MYO16: variants seen among roughly 807,000 people sequenced by gnomAD.
MYO16 encodes the protein myosin XVI.
Under a neutral mutation model 205.3 loss-of-function variants are expected in MYO16, and 94 were observed. The ratio of observed to expected loss-of-function variants is 0.46; its 90% CI spans 0.39 to 0.54. The LOEUF is 0.54. Among genes scored for constraint, MYO16 ranks in the 20% least tolerant of loss-of-function variants. MYO16 has a pLI of 0.00. For missense variants in MYO16, 2,315 were observed against 2,387.5 expected, an observed-to-expected ratio of 0.97 and a Z score of 0.63; for synonymous variants, 988 against 954.0, an observed-to-expected ratio of 1.04 and a Z score of -0.66.
chr13:108,980,881 T>C (rs1884427439), intron 20 of MYO16, among the ~76,000 whole-genome samples: 1 of 152,188 alleles, frequency 6.6e-6, no homozygotes, highest in South Asian at 2.1e-4. Context: ...AGCTATGAGG[T>C]TGGCATTCTT....
intron 10 of MYO16, among the ~76,000 whole-genome samples, chr13:108,852,739 G>T (rs1877950019): frequency 6.6e-6 from 1 of 152,082 alleles, no homozygotes; most frequent in African/African-American, 2.4e-5. Context: ...GTTACTAAGG[G>T]CACTAATGAG....
the MYO16 span, among the ~76,000 whole-genome samples, chr13:108,559,878 A>G: frequency 6.6e-6 from 1 of 151,990 alleles, no homozygotes; most frequent in African/African-American, 2.4e-5. Context: ...AATTTTCCAT[A>G]CCTAGAAATC....
At chr13:109,122,387 G>T (rs1876031688) in intron 29 of MYO16, among the ~76,000 whole-genome samples, 2 of 152,114 alleles carry the variant, frequency 1.3e-5, no homozygotes, top group African/African-American at 4.8e-5. Context: ...AATTAAGAAT[G>T]GTCTTAAAAG....
At chr13:108,784,385 C>T (rs1435048140) in intron 4 of MYO16, among the ~76,000 whole-genome samples, 1 of 151,992 alleles carries the variant, frequency 6.6e-6, no homozygotes, top group East Asian at 1.9e-4. Context: ...AATATCTTTA[C>T]ATGGTTATAG....
the MYO16 span, among the ~76,000 whole-genome samples, chr13:108,545,102 C>T: frequency 2.2e-4 from 33 of 152,050 alleles, no homozygotes; most frequent in African/African-American, 8.0e-4. Flanking sequence ...TATTTTGTCC[C>T]CCAGGTAATA....
chr13:108,664,840 G>A (rs1436673210), intron 1 of MYO16, among the ~76,000 whole-genome samples: 1 of 152,134 alleles, frequency 6.6e-6, no homozygotes, highest in Non-Finnish European at 1.5e-5. Flanking sequence ...TTTATAGGAA[G>A]TAGCCTTTTG....
intron 15 of MYO16, among the ~76,000 whole-genome samples, chr13:108,900,600 C>T (rs1401177669): frequency 6.6e-6 from 1 of 152,164 alleles, no homozygotes; most frequent in Admixed American, 6.5e-5. Flanking sequence ...TTATCACTTC[C>T]CCAATCAATA....
intron 12 of MYO16, among the ~76,000 whole-genome samples, chr13:108,881,522 C>T (rs997929830): frequency 6.6e-6 from 1 of 152,128 alleles, no homozygotes; most frequent in African/African-American, 2.4e-5. Context: ...TGTTGGAACC[C>T]ATTGCAAAGA....
At chr13:108,581,423 A>G in the MYO16 span, among the ~76,000 whole-genome samples, 24 of 152,316 alleles carry the variant, frequency 1.6e-4, no homozygotes, top group African/African-American at 5.5e-4. Flanking sequence ...TTCTTTTTCA[A>G]GGATGTTCGC....
At chr13:108,916,983 G>A (rs1881520975) in intron 16 of MYO16, among the ~76,000 whole-genome samples, 1 of 151,886 alleles carries the variant, frequency 6.6e-6, no homozygotes, top group African/African-American at 2.4e-5. Context: ...TGAGATGAGG[G>A]CGTAGCTGAA....
At chr13:108,902,345 C>T (rs529404231) in intron 15 of MYO16, among the ~76,000 whole-genome samples, 19 of 152,320 alleles carry the variant, frequency 1.2e-4, no homozygotes, top group African/African-American at 4.6e-4. Context: ...AATGAAAGCA[C>T]TCTTTTAGCT....
At chr13:108,582,501 A>T in the MYO16 span, among the ~76,000 whole-genome samples, 1 of 152,232 alleles carries the variant, frequency 6.6e-6, no homozygotes, top group African/African-American at 2.4e-5. Flanking sequence ...ACCCAAACCC[A>T]GCCAGGGGAA....
intron 16 of MYO16, among the ~76,000 whole-genome samples, chr13:108,922,415 A>G (rs1325359041): frequency 2.0e-5 from 3 of 152,276 alleles, no homozygotes; most frequent in Admixed American, 1.3e-4. Context: ...AAAGGCAGCA[A>G]TCGAACACTT....
rs184164429 is a variant in MYO16, at chr13:108,845,901, G to C, written c.1248+1408G>C. ...GCCATTTTTTTTTTTAAGAGATAGG[G>C]TCTCACTATGTTGCCCAGGTTGATC... On this transcript the variant is annotated intron_variant, in intron 10 of 34. Coordinates refer to ENST00000457511, the MANE Select transcript of MYO16 (RefSeq NM_001198950.3). Among the ~76,000 whole-genome samples the C allele has an allele frequency of 1.3e-3, 204 of 151,706 alleles. 1 individual carries two copies. Among genetic ancestry groups the C allele is most frequent in the Non-Finnish European group, 1.0e-3 (71 of 67,936 alleles).
chr13:108,972,259 A>C lies in MYO16; in HGVS notation c.2369+7357A>C, dbSNP rs369369195. ...TCTCTCTCTCTCTCTCTATATATATATATATATATATATATATATATTTAC... is the reference window on the plus strand; with the variant it reads ...TCTCTCTCTCTCTCTCTATATATATCTATATATATATATATATATATTTAC... On this transcript the variant is annotated intron_variant, in intron 20 of 34. Coordinates refer to ENST00000457511, the MANE Select transcript of MYO16 (RefSeq NM_001198950.3). 5.7e-3 allele frequency among the ~76,000 whole-genome samples: 224 copies of C among 39,550 alleles called. 9 individuals carry two copies. The highest frequency in any genetic ancestry group is 7.5e-3 in the Non-Finnish European group (160 of 21,350). 25.9% of individuals were successfully genotyped at this position (39,550 alleles called of 152,430 possible).
chr13:108,806,452 C>T (rs1296013283), intron 6 of MYO16, among the ~76,000 whole-genome samples: 2 of 152,150 alleles, frequency 1.3e-5, no homozygotes, highest in African/African-American at 4.8e-5. Flanking sequence ...AAAGTGCACA[C>T]TATCAAAGTT....
chr13:108,616,868 C>T (rs1879368099), intron 1 of MYO16, among the ~76,000 whole-genome samples: 1 of 152,054 alleles, frequency 6.6e-6, no homozygotes. Context: ...GTACATTGTC[C>T]ACACTGTAAC....
chr13:108,932,962 G>A (rs148991757), intron 16 of MYO16, among the ~76,000 whole-genome samples: 61 of 152,032 alleles, frequency 4.0e-4, no homozygotes, highest in Non-Finnish European at 7.2e-4. Flanking sequence ...TGAATTCCAC[G>A]GTAGAGATAC....
chr13:108,796,304 C>A (rs9555508), intron 6 of MYO16, among the ~76,000 whole-genome samples: 6 of 151,934 alleles, frequency 3.9e-5, no homozygotes, highest in African/African-American at 1.5e-4. Flanking sequence ...TAGGAACACT[C>A]TTACACTGTT....
Sources: gnomAD v4.1 joint callset for allele counts (sites outside exome capture counted in the v4.1 genomes callset) on GRCh38, gnomAD v4.1.1 for gene constraint, MANE v1.5 for transcripts, NCBI Gene and HGNC (gene_info 2026-07-23, HGNC 2026-07-21) for gene names.